The following NXPH1 variants were observed in gnomAD, a reference collection of about 807,000 sequenced individuals.
NXPH1 encodes the protein neurexophilin 1, also known as neurexophilin-1.
A neutral mutation model predicts 23.7 loss-of-function variants in NXPH1; 5 were observed. The observed-to-expected ratio is 0.21, with a 90% CI of 0.11 to 0.44. The LOEUF (loss-of-function observed/expected upper bound fraction) is 0.44. NXPH1 is among the 20% of genes least tolerant of loss of function. The pLI, the probability that NXPH1 is intolerant of heterozygous loss-of-function variation, is 0.99. For synonymous variants in NXPH1, 144 were observed against 122.2 expected (o/e 1.18, Z -1.18); for missense variants, 324 against 321.6 (o/e 1.01, Z -0.06).
chr7:8,493,042 C>T (rs1379588001), intron 2 of NXPH1, among the ~76,000 whole-genome samples: 1 of 151,994 alleles, frequency 6.6e-6, no homozygotes, highest in Non-Finnish European at 1.5e-5. Context: ...TCCACGGTCC[C>T]TCAGGATCTT....
intron 2 of NXPH1, among the ~76,000 whole-genome samples, chr7:8,640,068 C>T (rs77544743): frequency 0.047 from 7,214 of 152,130 alleles, 376 homozygotes; most frequent in East Asian, 0.17. Flanking sequence ...TATTTTAATT[C>T]ATAATGTATA....
chr7:8,708,655 C>T (rs538532980), intron 2 of NXPH1, among the ~76,000 whole-genome samples: 1 of 152,092 alleles, frequency 6.6e-6, no homozygotes, highest in African/African-American at 2.4e-5. Context: ...AGCCACCATG[C>T]CTGCCTAGAA....
intron 2 of NXPH1, among the ~76,000 whole-genome samples, chr7:8,468,589 A>G (rs554073633): frequency 6.6e-6 from 1 of 152,234 alleles, no homozygotes; most frequent in African/African-American, 2.4e-5. Context: ...ACCAATGATC[A>G]GGAAACTATG....
chr7:8,604,653 C>G (rs1018556200), intron 2 of NXPH1, among the ~76,000 whole-genome samples: 1 of 152,036 alleles, frequency 6.6e-6, no homozygotes, highest in Non-Finnish European at 1.5e-5. Context: ...TTTTATCATA[C>G]TATATATGCC....
intron 2 of NXPH1, among the ~76,000 whole-genome samples, chr7:8,527,376 C>T (rs902286420): frequency 6.6e-6 from 1 of 152,122 alleles, no homozygotes; most frequent in South Asian, 2.1e-4. Context: ...CTCAGATGGC[C>T]TCTAAATTGC....
intron 2 of NXPH1, among the ~76,000 whole-genome samples, chr7:8,620,047 ACT>A (rs1462925463): frequency 1.3e-5 from 2 of 152,110 alleles, no homozygotes; most frequent in African/African-American, 4.8e-5. Flanking sequence ...TGAGATACTG[ACT>A]CTCTCAGCAC....
chr7:8,644,610 C>A (rs944627210), intron 2 of NXPH1, among the ~76,000 whole-genome samples: 1 of 152,002 alleles, frequency 6.6e-6, no homozygotes, highest in African/African-American at 2.4e-5. Context: ...TCAGAAAGAA[C>A]ATTGTGCTCT....
intron 2 of NXPH1, among the ~76,000 whole-genome samples, chr7:8,636,163 C>CA (rs1820215292): frequency 6.6e-6 from 1 of 152,178 alleles, no homozygotes; most frequent in Admixed American, 6.5e-5. Flanking sequence ...TTTGTGCTTA[C>CA]ATACTCAGGA....
intron 2 of NXPH1, among the ~76,000 whole-genome samples, chr7:8,661,707 C>G (rs1387407017): frequency 6.6e-6 from 1 of 152,014 alleles, no homozygotes; most frequent in Non-Finnish European, 1.5e-5. Flanking sequence ...CCCAGATATC[C>G]CAAATCTGTA....
At chr7:8,572,924 T>A (rs2128622411) in intron 2 of NXPH1, among the ~76,000 whole-genome samples, 1 of 152,044 alleles carries the variant, frequency 6.6e-6, no homozygotes, top group African/African-American at 2.4e-5. Flanking sequence ...AATACAGGAT[T>A]TGAAAAAACC....
At position 8,435,301 on chromosome 7, in the gene NXPH1, C is replaced by A. The variant is rs1027080491; in HGVS notation, c.-110-303C>A. On this transcript the variant is annotated intron_variant, in intron 1 of 2. Transcript: ENST00000405863. The surrounding 1 kb of genome is among the most constrained non-coding windows in gnomAD (Gnocchi z 5.9). Reference sequence around the variant, plus strand: ...GGGCAGGTCTCGCTGCCGGAGAAGCCTGGGCTCCGAACCAGCCTGCACGCG... The same window carrying A: ...GGGCAGGTCTCGCTGCCGGAGAAGCATGGGCTCCGAACCAGCCTGCACGCG... 1 of 265,808 alleles carries A rather than the reference C, an allele frequency of 3.8e-6. No homozygotes were observed. Among genetic ancestry groups the A allele is most frequent in the Non-Finnish European group, 7.2e-6 (1 of 138,020 alleles). 16.5% of individuals were successfully genotyped at this position (265,808 alleles called of 1,614,324 possible).
chr7:8,700,127 TGAGA>T (rs1359615880), intron 2 of NXPH1, among the ~76,000 whole-genome samples: 5 of 152,182 alleles, frequency 3.3e-5, no homozygotes, highest in African/African-American at 1.2e-4. Context: ...GTGAGGCACC[TGAGA>T]GAAACTGTCA....
At chr7:8,602,208 T>A (rs1819377147) in intron 2 of NXPH1, among the ~76,000 whole-genome samples, 2 of 152,336 alleles carry the variant, frequency 1.3e-5, no homozygotes, top group South Asian at 4.1e-4. Context: ...TATGCTTTTT[T>A]AGTTATTTCT....
At chr7:8,567,562 G>A (rs1818567497) in intron 2 of NXPH1, among the ~76,000 whole-genome samples, 1 of 151,856 alleles carries the variant, frequency 6.6e-6, no homozygotes, top group African/African-American at 2.4e-5. Flanking sequence ...GTAGATGTTA[G>A]TTTGCTTTTA....
At chr7:8,446,940 G>C (rs1816416246) in intron 2 of NXPH1, among the ~76,000 whole-genome samples, 1 of 150,866 alleles carries the variant, frequency 6.6e-6, no homozygotes. Context: ...AATGACCACT[G>C]CACTATCCTG....
intron 2 of NXPH1, among the ~76,000 whole-genome samples, chr7:8,519,017 G>C (rs575447421): frequency 6.6e-6 from 1 of 152,004 alleles, no homozygotes; most frequent in Non-Finnish European, 1.5e-5. Flanking sequence ...AAAGCATGTA[G>C]CAGAGTGCTT....
rs140648866 is a variant in NXPH1 at position 8,580,398 on chromosome 7, G to A, written c.54+144631G>A. Among the ~76,000 whole-genome samples the A allele has an allele frequency of 4.7e-3, 720 of 152,168 alleles. 6 individuals are homozygous for A. The highest frequency in any genetic ancestry group is 0.017 in the African/African-American group (690 of 41,476). ...CATCCACTTACTCTTGGCAGAAAAA[G>A]ATTAGGAAACCAAGAATTCTTGAAT... On this transcript the variant is annotated intron_variant, in intron 2 of 2. Coordinates refer to ENST00000405863, the MANE Select transcript of NXPH1 (RefSeq NM_152745.3).
At chr7:8,724,967 C>T (rs932593384) in intron 2 of NXPH1, among the ~76,000 whole-genome samples, 3 of 152,198 alleles carry the variant, frequency 2.0e-5, no homozygotes, top group Non-Finnish European at 4.4e-5. Context: ...ACAGCAGCAG[C>T]ATCTGATTCC....
At chr7:8,699,821 A>G (rs1284619379) in intron 2 of NXPH1, among the ~76,000 whole-genome samples, 1 of 152,110 alleles carries the variant, frequency 6.6e-6, no homozygotes, top group Non-Finnish European at 1.5e-5. Flanking sequence ...AGGATTTCTT[A>G]ATCTTCATGT....
Sources: gnomAD v4.1 joint callset for allele counts (sites outside exome capture counted in the v4.1 genomes callset) on GRCh38, gnomAD v4.1.1 for gene constraint, Gnocchi (gnomAD v3.1) non-coding constraint, MANE v1.5 for transcripts, NCBI Gene and HGNC (gene_info 2026-07-23, HGNC 2026-07-21) for gene names.